Variants in SYNE1 observed in about 807,000 individuals in gnomAD.
The protein encoded by SYNE1 is spectrin repeat containing nuclear envelope protein 1, also known as nesprin-1.
SYNE1 carries 616 observed loss-of-function variants against 1,111.0 expected under a neutral mutation model. The observed-to-expected ratio is 0.55, with a 90% CI of 0.52 to 0.59. SYNE1 has a LOEUF of 0.59. SYNE1 is among the 20% of genes least tolerant of loss of function. The pLI is 0.00. For synonymous variants in SYNE1, 3,855 were observed against 3,825.8 expected (o/e 1.01, Z -0.28); for missense variants, 10,006 against 10,417.0 (o/e 0.96, Z 1.72).
chr6:152,416,412 G>T lies in SYNE1; in HGVS notation c.6025C>A (p.Pro2009Thr). ...CTCTGCTGAAGAGCTTGGCGGGTAG[G>T]TTCTTTCAATCGCTCTTTGTCAGTC... ...ERTDKERLKE[P>T]TRQALQQRLR... Residue 2009 changes from proline (P) to threonine (T), a missense_variant, in exon 41 of 146, where the codon CCT becomes ACT. Physicochemically the swap from Pro to Thr is conservative, Grantham distance 38. Coordinates refer to ENST00000367255, the MANE Select transcript of SYNE1 (RefSeq NM_182961.4). 6.2e-7 allele frequency: 1 copy of T among 1,614,134 alleles called. No homozygotes were observed. Among genetic ancestry groups the T allele is most frequent in the Non-Finnish European group, 8.5e-7 (1 of 1,180,032 alleles).
intron 3 of SYNE1, among the ~76,000 whole-genome samples, chr6:152,572,040 T>G (rs1424925004): frequency 1.3e-5 from 2 of 152,212 alleles, no homozygotes; most frequent in African/African-American, 4.8e-5. Context: ...GGCAGCTTTA[T>G]CACCGCAATC....
In SYNE1 at chr6:152,381,048, C is replaced by G; in HGVS notation, c.8967G>C (p.Lys2989Asn). The G allele has an allele frequency of 2.5e-6, 4 of 1,614,146 alleles. No individual in the cohort carries two copies. The highest frequency in any genetic ancestry group is 3.4e-6 in the Non-Finnish European group (4 of 1,180,046). Residue 2989 changes from lysine (K) to asparagine (N), a missense_variant, in exon 56 of 146, where the codon AAG (lysine) becomes AAC (asparagine). Around this residue, in one of 7 missense-constraint regions of SYNE1, gnomAD observed 4,955 missense variants for 5,017.2 expected, o/e 0.99. Coordinates refer to ENST00000367255, the MANE Select transcript of SYNE1 (RefSeq NM_182961.4). Reference sequence around the variant, plus strand: ...ATTCCACTATCTCCTCATCCGTGTTCTTGCCTTCCAGGAGGGTTAACTGCT... The same window carrying G: ...ATTCCACTATCTCCTCATCCGTGTTGTTGCCTTCCAGGAGGGTTAACTGCT... Reference protein sequence around the residue: ...WAQQLTLLEGKNTDEEIVECW... With the variant: ...WAQQLTLLEGNNTDEEIVECW...
rs1450496091 is a variant in SYNE1, at chr6:152,313,523, C to T, written c.16711-2650G>A. Among the ~76,000 whole-genome samples the T allele has an allele frequency of 2.7e-5, 4 of 147,094 alleles. No homozygotes were observed. The South Asian group carries it at 6.4e-4, about 24-fold the overall frequency. ...CTGTGGCCAGGCTGGAGTGCAATGG[C>T]GCGATCTAAGCTCACTGCAACGGCT... On this transcript the variant is annotated intron_variant, in intron 87 of 145. Transcript: ENST00000367255.
intron 58 of SYNE1, among the ~76,000 whole-genome samples, chr6:152,375,698 A>G (rs979745683): frequency 1.1e-4 from 17 of 152,204 alleles, no homozygotes; most frequent in Non-Finnish European, 2.5e-4. Flanking sequence ...CCTATTGTAC[A>G]CTGACAGTAA....
Position 152,318,159 on chromosome 6 carries a change from G to T in SYNE1, c.16494C>A (p.Ala5498=). Residue 5498 remains alanine, a synonymous_variant, in exon 86 of 146, where the codon GCC becomes GCA. Transcript: ENST00000367255. ...GTTCAGTCAGTTTTCCTATCTTCTT[G>T]GCCAGTGGCTTACCCAGTTGGCCAT... ...EQNGQLGKPL[A]KKIGKLTELH... 1 of 1,614,048 alleles carries T rather than the reference G, an allele frequency of 6.2e-7. No homozygotes were observed. The highest frequency in any genetic ancestry group is 8.5e-7 in the Non-Finnish European group (1 of 1,180,020).
chr6:152,319,151 C>T (rs1249665613), intron 84 of SYNE1, 136 bp from the exon 85 acceptor site: 7 of 1,241,000 alleles, frequency 5.6e-6, no homozygotes, highest in Admixed American at 4.1e-5. Flanking sequence ...CAGCGATGTG[C>T]GATTAGTTAC....
chr6:152,182,045 A>T lies in SYNE1; in HGVS notation c.23302-1751T>A, dbSNP rs149225312. ...CTTCATGTTTCTTAGCCATTTGTAT[A>T]TCTCCTTTGGAGAATTATCTACTCA... On this transcript the variant is annotated intron_variant, in intron 128 of 145. Coordinates refer to ENST00000367255, the MANE Select transcript of SYNE1 (RefSeq NM_182961.4). Among the ~76,000 whole-genome samples the T allele has an allele frequency of 7.1e-3, 1,082 of 152,256 alleles. 5 individuals carry two copies. The highest frequency in any genetic ancestry group is 0.023 in the South Asian group (109 of 4,822).
chr6:152,483,073 C>T lies in SYNE1; in HGVS notation c.1350+12G>A. 3 of 1,614,162 alleles carry T rather than the reference C, an allele frequency of 1.9e-6. No individual in the cohort carries two copies. Among genetic ancestry groups the T allele is most frequent in the Non-Finnish European group, 8.5e-7 (1 of 1,180,014 alleles). On this transcript the variant is annotated intron_variant, in intron 14 of 145. Transcript: ENST00000367255. ...CTGTTATGCTGCAAGGTTTTCCAACCAGAATTTTTACCTTATGTTGCTCAA... is the reference window on the plus strand; with the variant it reads ...CTGTTATGCTGCAAGGTTTTCCAACTAGAATTTTTACCTTATGTTGCTCAA...
chr6:152,232,378 C>A, intron 112 of SYNE1, 113 bp from the exon 113 acceptor site: 2 of 1,164,606 alleles, frequency 1.7e-6, no homozygotes, highest in Non-Finnish European at 2.6e-6. Flanking sequence ...AGATAACACT[C>A]CTTAATGACA....
intron 87 of SYNE1, among the ~76,000 whole-genome samples, chr6:152,313,345 C>T (rs1204937027): frequency 1.3e-5 from 2 of 152,068 alleles, no homozygotes; most frequent in Non-Finnish European, 2.9e-5. Flanking sequence ...GAATGCCTGA[C>T]GTGGGAATGC....
chr6:152,453,029 C>A (rs2098664165), intron 25 of SYNE1, among the ~76,000 whole-genome samples: 1 of 152,128 alleles, frequency 6.6e-6, no homozygotes, highest in Admixed American at 6.5e-5. Context: ...AATATATGCA[C>A]ATTTGGATTT....
At chr6:152,386,628 T>C (rs1257155533) in intron 54 of SYNE1, among the ~76,000 whole-genome samples, 2 of 152,214 alleles carry the variant, frequency 1.3e-5, no homozygotes, top group Non-Finnish European at 2.9e-5. Context: ...AAGGAGTTTA[T>C]ACTTTGGAAA....
intron 93 of SYNE1, among the ~76,000 whole-genome samples, chr6:152,296,470 A>T (rs1323602538): frequency 6.6e-6 from 1 of 152,176 alleles, no homozygotes; most frequent in Non-Finnish European, 1.5e-5. Flanking sequence ...ATGTCTTCTC[A>T]CCTAAGCTAT....
chr6:152,216,297 T>C (rs900347795), intron 121 of SYNE1, among the ~76,000 whole-genome samples: 7 of 152,198 alleles, frequency 4.6e-5, no homozygotes, highest in African/African-American at 1.7e-4. Flanking sequence ...AATAAGATAC[T>C]ATTCTAGTAG....
Position 152,169,561 on chromosome 6 carries a change from C to CAAA in SYNE1, c.23628-5239_23628-5237dup, listed in dbSNP as rs371955068. Among the ~76,000 whole-genome samples, 90 of 18,072 alleles carry CAAA rather than the reference C, an allele frequency of 5.0e-3. 12 individuals carry two copies. Among genetic ancestry groups the CAAA allele is most frequent in the African/African-American group, 0.012 (46 of 3,934 alleles). 11.9% of individuals were successfully genotyped at this position (18,072 alleles called of 152,430 possible). A position where few individuals can be genotyped will look rare whatever the true frequency, so the allele number is the denominator to read the frequency against. On this transcript the variant is annotated intron_variant, in intron 130 of 145. Coordinates refer to ENST00000367255, the MANE Select transcript of SYNE1 (RefSeq NM_182961.4). ...TGGGTGACAGAGCGAGACTCCATCTCAAAAAAAAAAAAAAAAAAAAAGGAA... is the reference window on the plus strand; with the variant it reads ...TGGGTGACAGAGCGAGACTCCATCTCAAAAAAAAAAAAAAAAAAAAAAAAGGAA...
Position 152,445,063 on chromosome 6 carries a change from C to T in SYNE1, c.3670-485G>A, listed in dbSNP as rs568425733. Reference sequence around the variant, plus strand: ...ATTTATGGGGCTTGCAGGTTTTATTCGATATGGTGCTCTGGGGCATATTAA... The same window carrying T: ...ATTTATGGGGCTTGCAGGTTTTATTTGATATGGTGCTCTGGGGCATATTAA... On this transcript the variant is annotated intron_variant, in intron 29 of 145. Coordinates refer to ENST00000367255, the MANE Select transcript of SYNE1 (RefSeq NM_182961.4). Among the ~76,000 whole-genome samples the T allele has an allele frequency of 2.1e-4, 32 of 151,872 alleles. No homozygotes were observed. In the Middle Eastern group the frequency reaches 0.024, roughly 113 times the overall value.
intron 26 of SYNE1, 89 bp from the exon 27 acceptor site, chr6:152,450,922 C>G: frequency 6.3e-7 from 1 of 1,592,548 alleles, no homozygotes; most frequent in Admixed American, 1.7e-5. Context: ...AAGATTCCCA[C>G]GCAGACTACC....
At chr6:152,440,211 T>C (rs1310637938) in intron 32 of SYNE1, among the ~76,000 whole-genome samples, 1 of 152,150 alleles carries the variant, frequency 6.6e-6, no homozygotes, top group Non-Finnish European at 1.5e-5. Context: ...ATGCAATAAC[T>C]TAAATGGATC....
At chr6:152,220,645 CA>C (rs1173502805) in intron 119 of SYNE1, among the ~76,000 whole-genome samples, 196 bp downstream of exon 119, 2 of 152,140 alleles carry the variant, frequency 1.3e-5, no homozygotes, top group African/African-American at 2.4e-5. Flanking sequence ...AAAAATAAAA[CA>C]ATGGGAGGAG....
Sources: allele counts gnomAD v4.1 joint callset (sites outside exome capture counted in the v4.1 genomes callset), GRCh38; gene constraint gnomAD v4.1.1; regional missense constraint gnomAD v4.1.1; transcripts MANE v1.5; gene names NCBI Gene and HGNC (gene_info 2026-07-23, HGNC 2026-07-21).